TNFRSF9: variants seen among roughly 807,000 people sequenced by gnomAD.
TNFRSF9 encodes the protein tumor necrosis factor receptor superfamily member 9.
A neutral mutation model predicts 28.8 loss-of-function variants in TNFRSF9; 16 were observed. That is an observed-to-expected ratio of 0.55 (90% CI 0.38 to 0.84). The LOEUF (loss-of-function observed/expected upper bound fraction) is 0.84. Ranked by LOEUF, TNFRSF9 falls within the 40% of genes least tolerant of loss-of-function variation. The pLI, the probability that TNFRSF9 is intolerant of heterozygous loss-of-function variation, is 0.00. For missense variants in TNFRSF9, 303 were observed against 315.0 expected (o/e 0.96, Z 0.29); for synonymous variants, 131 against 117.0 (o/e 1.12, Z -0.77).
Position 7,924,789 on chromosome 1 carries a change from T to C in TNFRSF9, c.680-3866A>G, listed in dbSNP as rs186739719. ...AAAGATCTTCCAGTGGGACAAGATGTGGAGGTGGCAGACACCAACTCTGTG... is the reference window on the plus strand; with the variant it reads ...AAAGATCTTCCAGTGGGACAAGATGCGGAGGTGGCAGACACCAACTCTGTG... On this transcript the variant is annotated intron_variant, in intron 7 of 7. Transcript: ENST00000377507. Among the ~76,000 whole-genome samples, 10 of 152,220 alleles carry C rather than the reference T, an allele frequency of 6.6e-5. 1 individual carries two copies. The East Asian group carries it at 1.9e-3, about 29-fold the overall frequency.
Position 7,937,686 on chromosome 1 carries a change from G to A in TNFRSF9, c.413+4C>T, listed in dbSNP as rs373663685. 72 of 1,610,856 alleles carry A rather than the reference G, an allele frequency of 4.5e-5. No homozygotes were observed. Among genetic ancestry groups the A allele is most frequent in the South Asian group, 3.2e-4 (29 of 90,882 alleles). On this transcript the variant is annotated splice_donor_region_variant and intron_variant, in intron 5 of 7. Coordinates refer to ENST00000377507, the MANE Select transcript of TNFRSF9 (RefSeq NM_001561.6). ...TTCCATAAACTAAAGGAAATTATAC[G>A]TACTTTGTCCAGGGTCGACAGATGC... is the stretch of plus-strand genomic sequence containing the variant.
intron 7 of TNFRSF9, among the ~76,000 whole-genome samples, chr1:7,922,174 T>C (rs1366709609): frequency 1.3e-5 from 2 of 152,236 alleles, no homozygotes; most frequent in Non-Finnish European, 2.9e-5. Flanking sequence ...CGATTTCATA[T>C]GCTTGTTGCT....
Position 7,939,886 on chromosome 1 carries a change from G to T in TNFRSF9, c.100+9C>A. On this transcript the variant is annotated intron_variant, in intron 2 of 7. Coordinates refer to ENST00000377507, the MANE Select transcript of TNFRSF9 (RefSeq NM_001561.6). ...GCAGATCAAATGCACATGATAACTGGGTACTCACCAGCTGGGCAGTTACTA... is the reference window on the plus strand; with the variant it reads ...GCAGATCAAATGCACATGATAACTGTGTACTCACCAGCTGGGCAGTTACTA... The T allele has an allele frequency of 6.3e-7, 1 of 1,587,122 alleles. No homozygotes were observed. Among genetic ancestry groups the T allele is most frequent in the Non-Finnish European group, 8.6e-7 (1 of 1,158,644 alleles).
intron 7 of TNFRSF9, among the ~76,000 whole-genome samples, chr1:7,929,960 C>T (rs1176940836): frequency 7.7e-6 from 1 of 130,162 alleles, no homozygotes; most frequent in African/African-American, 2.8e-5. Context: ...TTTGAACGAC[C>T]TAAAACCTTT....
In TNFRSF9 at chr1:7,932,214, G is replaced by A. The variant is rs562865967; in HGVS notation, c.679+948C>T. ...AACAATCTCCAAATAGGCACATTCT[G>A]GTCTTACATGGTGCTTTGGGTTAAA... On this transcript the variant is annotated intron_variant, in intron 7 of 7. Transcript: ENST00000377507. Among the ~76,000 whole-genome samples, 27 of 152,232 alleles carry A rather than the reference G, an allele frequency of 1.8e-4. 1 individual carries two copies. The highest frequency in any genetic ancestry group is 1.2e-3 in the Admixed American group (19 of 15,294).
At position 7,916,987 on chromosome 1, in the gene TNFRSF9, T is replaced by A. The variant is rs1639488698; in HGVS notation, c.*3848A>T. ...CTCTGTCACCCAGGCTGGAGTGCAA[T>A]GGTACGATCTCGGCTCACTGCAACC... On this transcript the variant is annotated 3_prime_UTR_variant, in exon 8 of 8. Coordinates refer to ENST00000377507, the MANE Select transcript of TNFRSF9 (RefSeq NM_001561.6). The A allele has an allele frequency of 6.6e-6, 1 of 152,192 alleles. No homozygotes were observed. The highest frequency in any genetic ancestry group is 2.1e-4 in the South Asian group (1 of 4,834). 9.4% of individuals were successfully genotyped at this position (152,192 alleles called of 1,614,324 possible).
chr1:7,939,842 G>C, intron 2 of TNFRSF9, 53 bp downstream of exon 2: 5 of 1,418,920 alleles, frequency 3.5e-6, no homozygotes, highest in Non-Finnish European at 4.9e-6. Flanking sequence ...TAGACTAACT[G>C]AACCATACTT....
intron 2 of TNFRSF9, among the ~76,000 whole-genome samples, chr1:7,939,660 C>T (rs1174241679): frequency 6.6e-6 from 1 of 152,160 alleles, no homozygotes; most frequent in Non-Finnish European, 1.5e-5. Flanking sequence ...ATCCTCCCAG[C>T]CATCCTATAA....
chr1:7,930,301 C>T (rs1036296303), intron 7 of TNFRSF9, among the ~76,000 whole-genome samples: 6 of 152,062 alleles, frequency 3.9e-5, no homozygotes, highest in African/African-American at 1.4e-4. Flanking sequence ...GAATCGAACC[C>T]GGGTCGTGAT....
At chr1:7,923,228 A>G (rs1400452912) in intron 7 of TNFRSF9, among the ~76,000 whole-genome samples, 1 of 152,074 alleles carries the variant, frequency 6.6e-6, no homozygotes, top group Non-Finnish European at 1.5e-5. Context: ...TAACCACTCA[A>G]TTCTAACAAA....
chr1:7,926,480 C>G (rs1443684690), intron 7 of TNFRSF9, among the ~76,000 whole-genome samples: 1 of 152,132 alleles, frequency 6.6e-6, no homozygotes, highest in East Asian at 1.9e-4. Flanking sequence ...GACTGTACTT[C>G]ACATAGTAAA....
intron 5 of TNFRSF9, among the ~76,000 whole-genome samples, chr1:7,937,453 G>A (rs1014136993): frequency 9.2e-5 from 14 of 152,182 alleles, no homozygotes; most frequent in Admixed American, 1.3e-4. Flanking sequence ...ACCACTGCAC[G>A]TGCCCAGCCT....
rs371033313 is a variant in TNFRSF9 at position 7,937,754 on chromosome 1, A to G, written c.349T>C (p.Cys117Arg). 3.1e-6 allele frequency: 5 copies of G among 1,611,130 alleles called. No homozygotes were observed. In the African/African-American group the frequency reaches 5.3e-5, roughly 17 times the overall value. The change falls in exon 5 of 8, where the codon TGT (cysteine) becomes CGT (arginine). Residue 117 changes from cysteine to arginine, a missense_variant and splice_region_variant. Transcript: ENST00000377507. ...AATGTCCCAAAGCAACAGTCTTTAC[A>G]ACCTTGTATTAAAAATGAAAGCAAT... Reference protein sequence around the residue: ...KQGQELTKKGCKDCCFGTFND... With the variant: ...KQGQELTKKGRKDCCFGTFND...
rs553234546 is a variant in TNFRSF9, at chr1:7,919,095, T to A, written c.*1740A>T. ...ACTAAATAGGAGCAGAAGTGACAGA[T>A]ACCCATTTGCCATGCGATGGCCAAT... On this transcript the variant is annotated 3_prime_UTR_variant, in exon 8 of 8. Transcript: ENST00000377507. The A allele has an allele frequency of 6.6e-6, 1 of 152,194 alleles. No individual in the cohort carries two copies. Among genetic ancestry groups the A allele is most frequent in the Non-Finnish European group, 1.5e-5 (1 of 68,038 alleles). 9.4% of individuals were successfully genotyped at this position (152,194 alleles called of 1,614,324 possible). A position where few individuals can be genotyped will look rare whatever the true frequency, so the allele number is the denominator to read the frequency against.
intron 5 of TNFRSF9, among the ~76,000 whole-genome samples, 194 bp downstream of exon 5, chr1:7,937,496 A>G (rs879436250): frequency 4.6e-5 from 7 of 152,170 alleles, no homozygotes; most frequent in African/African-American, 1.7e-4. Flanking sequence ...TGTTCCAGGC[A>G]CTATTTCTGG....
At chr1:7,928,322 AC>A (rs1238545962) in intron 7 of TNFRSF9, among the ~76,000 whole-genome samples, 2 of 152,250 alleles carry the variant, frequency 1.3e-5, no homozygotes, top group Non-Finnish European at 2.9e-5. Context: ...ATACATGTCC[AC>A]ACAAAACCTG....
chr1:7,929,159 T>TTTTTTC (rs1639696875), intron 7 of TNFRSF9, among the ~76,000 whole-genome samples: 1 of 80,398 alleles, frequency 1.2e-5, no homozygotes, highest in South Asian at 3.2e-4. Flanking sequence ...TTCTTTTTCC[T>TTTTTTC]TTTTTTTTTT....
At chr1:7,929,408 C>T (rs1639701345) in intron 7 of TNFRSF9, among the ~76,000 whole-genome samples, 1 of 151,988 alleles carries the variant, frequency 6.6e-6, no homozygotes, top group Admixed American at 6.6e-5. Flanking sequence ...CTCAGGTGAT[C>T]CATCCGCCTC....
chr1:7,924,234 A>G (rs998655869), intron 7 of TNFRSF9, among the ~76,000 whole-genome samples: 1 of 149,676 alleles, frequency 6.7e-6, no homozygotes, highest in Non-Finnish European at 1.5e-5. Flanking sequence ...ATAAATGACT[A>G]TGTTAGTAGT....
Sources: allele counts gnomAD v4.1 joint callset (sites outside exome capture counted in the v4.1 genomes callset), GRCh38; gene constraint gnomAD v4.1.1; transcripts MANE v1.5; gene names NCBI Gene and HGNC (gene_info 2026-07-23, HGNC 2026-07-21).